ADA: variants seen among roughly 807,000 people sequenced by gnomAD.
ADA encodes the protein adenosine aminohydrolase.
ADA carries 45 observed loss-of-function variants against 49.0 expected under a neutral mutation model. The observed-to-expected ratio is 0.92, with a 90% CI of 0.72 to 1.18. The LOEUF is 1.18. Among genes scored for constraint, ADA ranks in the 50% most tolerant of loss-of-function variants. The pLI is 0.00. For missense variants in ADA, 445 were observed against 472.5 expected, an observed-to-expected ratio of 0.94 and a Z score of 0.54; for synonymous variants, 173 against 184.2, an observed-to-expected ratio of 0.94 and a Z score of 0.49.
intron 9 of ADA, among the ~76,000 whole-genome samples, chr20:44,621,570 C>T (rs1333221823): frequency 2.6e-5 from 4 of 152,310 alleles, no homozygotes; most frequent in East Asian, 1.9e-4. Context: ...GTTCTTGGCA[C>T]GATCCCTGAC....
chr20:44,619,551 T>G lies in ADA; in HGVS notation c.*283A>C, dbSNP rs2065307470. 6.7e-6 allele frequency: 3 copies of G among 448,116 alleles called. No homozygotes were observed. The highest frequency in any genetic ancestry group is 1.2e-5 in the Non-Finnish European group (3 of 242,364). The allele number at this position is 448,116 out of a possible 1,614,324, so 27.8% of individuals were successfully genotyped here. Reference sequence around the variant, plus strand: ...TGCCACCAGCCATGGGCTTCTTTATTGAGCACCAGATTTTCAGTACAAGTT... The same window carrying G: ...TGCCACCAGCCATGGGCTTCTTTATGGAGCACCAGATTTTCAGTACAAGTT... On this transcript the variant is annotated 3_prime_UTR_variant, in exon 12 of 12. Coordinates refer to ENST00000372874, the MANE Select transcript of ADA (RefSeq NM_000022.4).
chr20:44,624,901 C>A (rs1463907479), intron 5 of ADA, among the ~76,000 whole-genome samples: 1 of 152,240 alleles, frequency 6.6e-6, no homozygotes, highest in Non-Finnish European at 1.5e-5. Flanking sequence ...CACCTCACTC[C>A]ACCTCAGTTT....
chr20:44,651,474 G>A (rs1383442061), intron 1 of ADA, 101 bp downstream of exon 1: 4 of 1,215,518 alleles, frequency 3.3e-6, no homozygotes, highest in South Asian at 2.6e-5. Flanking sequence ...AGGAGCCCCC[G>A]TTCGTTCCCA....
intron 10 of ADA, 52 bp downstream of exon 10, chr20:44,620,966 A>G: frequency 2.5e-6 from 4 of 1,612,148 alleles, no homozygotes; most frequent in Non-Finnish European, 3.4e-6. Flanking sequence ...GGACCTGTAG[A>G]TACCATACTC....
chr20:44,629,412 G>A (rs1319847682), intron 2 of ADA, among the ~76,000 whole-genome samples: 1 of 148,000 alleles, frequency 6.8e-6, no homozygotes, highest in Non-Finnish European at 1.5e-5. Flanking sequence ...GGATAAACAG[G>A]TTGAAGTGTG....
At chr20:44,620,725 G>C in intron 10 of ADA, 1 of 563,022 alleles carries the variant, frequency 1.8e-6, no homozygotes, top group Non-Finnish European at 3.2e-6. Flanking sequence ...ACAACCTGAA[G>C]AGAGTGTGCA....
intron 1 of ADA, among the ~76,000 whole-genome samples, chr20:44,651,272 G>T (rs947016691): frequency 7.9e-5 from 12 of 152,222 alleles, no homozygotes; most frequent in Non-Finnish European, 1.8e-4. Context: ...TCAAGTCCCT[G>T]CCCAGGCCCA....
At position 44,619,850 on chromosome 20, in the gene ADA, G is replaced by A. The variant is rs1025539472; in HGVS notation, c.1079-3C>T. 2 of 1,614,154 alleles carry A rather than the reference G, an allele frequency of 1.2e-6. No homozygotes were observed. The highest frequency in any genetic ancestry group is 2.2e-5 in the South Asian group (2 of 91,074). On this transcript the variant is annotated splice_polypyrimidine_tract_variant and splice_region_variant and intron_variant, in intron 11 of 11. Transcript: ENST00000372874. ...GTGGCGTCTTCAGAGGTTCTGCCCT[G>A]CTCGTTGGTTCAGAGAAGCAAAAAG...
Position 44,625,640 on chromosome 20 carries a change from C to T in ADA, c.407G>A (p.Gly136Asp). Reference sequence around the variant, plus strand: ...GAAGTCTCGCTCCCCCTCCTGCAGGCCCTGGCCCACTAGGGCCACCACCTC... The same window carrying T: ...GAAGTCTCGCTCCCCCTCCTGCAGGTCCTGGCCCACTAGGGCCACCACCTC... Reference protein sequence around the residue: ...PDEVVALVGQGLQEGERDFGV... With the variant: ...PDEVVALVGQDLQEGERDFGV... The change falls in exon 5 of 12, where the codon GGC (glycine) becomes GAC (aspartate). Residue 136 changes from glycine to aspartate, a missense_variant. By Grantham distance (94) the Gly-to-Asp change is moderately conservative. Coordinates refer to ENST00000372874, the MANE Select transcript of ADA (RefSeq NM_000022.4). 2 of 1,579,232 alleles carry T rather than the reference C, an allele frequency of 1.3e-6. No homozygotes were observed. Among genetic ancestry groups the T allele is most frequent in the South Asian group, 1.2e-5 (1 of 86,312 alleles).
intron 2 of ADA, among the ~76,000 whole-genome samples, chr20:44,635,626 C>T (rs2065472645): frequency 6.6e-6 from 1 of 152,206 alleles, no homozygotes; most frequent in Non-Finnish European, 1.5e-5. Context: ...GAGCCAGGCA[C>T]AGTGGCTCAT....
intron 2 of ADA, among the ~76,000 whole-genome samples, chr20:44,631,476 C>A (rs528980391): frequency 6.6e-6 from 1 of 152,292 alleles, no homozygotes; most frequent in South Asian, 2.1e-4. Context: ...GAGCCTGTAC[C>A]AGTTGTCAAA....
chr20:44,629,251 G>T, intron 2 of ADA, 82 bp from the exon 3 acceptor site: 1 of 1,597,448 alleles, frequency 6.3e-7, no homozygotes, highest in African/African-American at 1.3e-5. Context: ...GCAGACTCAG[G>T]AGCGCCAGCC....
chr20:44,624,523 G>A (rs879398865), intron 5 of ADA, among the ~76,000 whole-genome samples, 194 bp from the exon 6 acceptor site: 6 of 152,184 alleles, frequency 3.9e-5, no homozygotes, highest in Non-Finnish European at 7.3e-5. Flanking sequence ...CTCAGTTTCC[G>A]CCCTTTTCAG....
At position 44,651,586 on chromosome 20, in the gene ADA, C is replaced by T. The variant is rs73598374; in HGVS notation, c.22G>A (p.Asp8Asn). The change falls in exon 1 of 12, where the codon GAC (aspartate) becomes AAC (asparagine). Residue 8 changes from aspartate (D) to asparagine (N), a missense_variant. Physicochemically the swap from Asp to Asn is conservative, Grantham distance 23. Transcript: ENST00000372874. ...CCGCGCGCGCTCACTTTGGGCTTGT[C>T]GAAGGCGGGCGTCTGGGCCATGGTG... MAQTPAF[D>N]KPKVELHVHL... 0.056 allele frequency: 86,445 copies of T among 1,540,646 alleles called. 3,041 individuals carry two copies. The highest frequency in any genetic ancestry group is 0.13 in the South Asian group (10,988 of 84,708).
At chr20:44,644,418 T>C (rs1036532036) in intron 1 of ADA, among the ~76,000 whole-genome samples, 3 of 152,026 alleles carry the variant, frequency 2.0e-5, no homozygotes, top group African/African-American at 7.2e-5. Flanking sequence ...TGCTGGGTGC[T>C]CTCCCTGCAA....
At chr20:44,645,734 T>C (rs1210779600) in intron 1 of ADA, among the ~76,000 whole-genome samples, 1 of 152,178 alleles carries the variant, frequency 6.6e-6, no homozygotes, top group Non-Finnish European at 1.5e-5. Context: ...GAGGTGGGTA[T>C]GGGTATAATT....
At chr20:44,647,842 G>A (rs1007524747) in intron 1 of ADA, among the ~76,000 whole-genome samples, 1 of 151,994 alleles carries the variant, frequency 6.6e-6, no homozygotes, top group African/African-American at 2.4e-5. Context: ...GCTTGAACTC[G>A]GGAGGTGGAG....
At chr20:44,626,678 C>A (rs1462981538) in intron 3 of ADA, 79 bp from the exon 4 acceptor site, 2 of 1,581,492 alleles carry the variant, frequency 1.3e-6, no homozygotes, top group East Asian at 2.2e-5. Context: ...CATCCCCAAC[C>A]CTTGGCAGAT....
intron 1 of ADA, among the ~76,000 whole-genome samples, chr20:44,638,963 G>A (rs553325155): frequency 3.5e-4 from 53 of 152,242 alleles, no homozygotes; most frequent in Middle Eastern, 3.4e-3. Context: ...AGGAGAAAAC[G>A]GGGTATATGA....
Sources: allele counts gnomAD v4.1 joint callset (sites outside exome capture counted in the v4.1 genomes callset), GRCh38; gene constraint gnomAD v4.1.1; transcripts MANE v1.5; gene names NCBI Gene and HGNC (gene_info 2026-07-23, HGNC 2026-07-21).